Variants in GRID2 observed in about 807,000 individuals in gnomAD.
The protein encoded by GRID2 is glutamate ionotropic receptor delta type subunit 2.
GRID2 carries 33 observed loss-of-function variants against 114.8 expected under a neutral mutation model. The observed-to-expected ratio is 0.29, with a 90% CI of 0.22 to 0.38. GRID2 has a LOEUF of 0.38. Ranked by LOEUF, GRID2 falls within the 10% of genes least tolerant of loss-of-function variation. GRID2 has a pLI of 1.00. For missense variants in GRID2, 1,184 were observed against 1,257.7 expected (o/e 0.94, Z 0.89); for synonymous variants, 505 against 449.9 (o/e 1.12, Z -1.55).
intron 2 of GRID2, among the ~76,000 whole-genome samples, chr4:93,000,403 G>T (rs1283911292): frequency 6.6e-6 from 1 of 151,494 alleles, no homozygotes; most frequent in East Asian, 1.9e-4. Context: ...TGAAGTTTCT[G>T]ATATACCTTT....
chr4:92,392,893 C>T (rs1335814244), intron 1 of GRID2, among the ~76,000 whole-genome samples: 1 of 152,072 alleles, frequency 6.6e-6, no homozygotes, highest in Non-Finnish European at 1.5e-5. Flanking sequence ...CAAACACATT[C>T]ATCGATATTA....
chr4:92,475,655 G>C (rs1258616644), intron 1 of GRID2, among the ~76,000 whole-genome samples: 2 of 151,584 alleles, frequency 1.3e-5, no homozygotes, highest in Non-Finnish European at 2.9e-5. Context: ...GGCTACTTGG[G>C]GTCTTTTATG....
intron 9 of GRID2, among the ~76,000 whole-genome samples, chr4:93,401,926 CT>C (rs34607839): frequency 0.37 from 52,440 of 142,912 alleles, 10,028 homozygotes; most frequent in East Asian, 0.65. Context: ...TTTGGAATTT[CT>C]TTTTTTTTTT....
chr4:92,634,582 T>C (rs920345742), intron 2 of GRID2, among the ~76,000 whole-genome samples: 9 of 152,084 alleles, frequency 5.9e-5, no homozygotes, highest in African/African-American at 2.2e-4. Context: ...TGATTAACAT[T>C]TAACATTCTA....
At chr4:93,652,035 AC>A in intron 14 of GRID2, among the ~76,000 whole-genome samples, 1 of 152,180 alleles carries the variant, frequency 6.6e-6, no homozygotes, top group Non-Finnish European at 1.5e-5. Flanking sequence ...TATTTAAAGA[AC>A]AATTGATGTT....
At chr4:92,515,388 A>G (rs530856960) in intron 1 of GRID2, among the ~76,000 whole-genome samples, 11 of 151,944 alleles carry the variant, frequency 7.2e-5, no homozygotes, top group Non-Finnish European at 1.5e-4. Context: ...AAAAGACAAT[A>G]AATTATTTCC....
chr4:93,731,838 GGGCCTT>G (rs879898741), intron 14 of GRID2, among the ~76,000 whole-genome samples: 1 of 152,098 alleles, frequency 6.6e-6, no homozygotes, highest in Admixed American at 6.5e-5. Context: ...CAGAAAGCCT[GGGCCTT>G]GACAGTCCTC....
chr4:93,384,332 T>C (rs933576297), intron 8 of GRID2, among the ~76,000 whole-genome samples: 30 of 152,118 alleles, frequency 2.0e-4, no homozygotes, highest in Non-Finnish European at 1.5e-5. Context: ...TGCACAGGGA[T>C]AGGAGGAATT....
intron 4 of GRID2, among the ~76,000 whole-genome samples, chr4:93,145,636 CTTTTTTCCTTTTTTTTTTTTTT>C (rs1736145797): frequency 2.5e-5 from 1 of 40,262 alleles, no homozygotes; most frequent in Non-Finnish European, 5.6e-5. Context: ...TTTTGTATTT[CTTTTTTCCTTTTTTTTTTTTTT>C]TTTTTTTTTT....
intron 10 of GRID2, among the ~76,000 whole-genome samples, chr4:93,430,640 A>G (rs1417030948): frequency 1.3e-5 from 2 of 152,240 alleles, no homozygotes; most frequent in East Asian, 3.8e-4. Flanking sequence ...GGCACTGGAG[A>G]TACAAAGATA....
chr4:93,470,892 T>A (rs2149434008), intron 11 of GRID2, among the ~76,000 whole-genome samples: 1 of 141,120 alleles, frequency 7.1e-6, no homozygotes, highest in Non-Finnish European at 1.6e-5. Flanking sequence ...TACATTGTTA[T>A]ATTTTCTTTT....
At chr4:92,944,163 A>G (rs1192806160) in intron 2 of GRID2, among the ~76,000 whole-genome samples, 1 of 152,322 alleles carries the variant, frequency 6.6e-6, no homozygotes, top group African/African-American at 2.4e-5. Flanking sequence ...TTGTATGGCT[A>G]TGCCCTGCCC....
rs149403403 is a variant in GRID2 at position 92,662,134 on chromosome 4, A to G, written c.244+71848A>G. On this transcript the variant is annotated intron_variant, in intron 2 of 15. Transcript: ENST00000282020. ...CCTCACACAGGTTTCCTTTCTGTGT[A>G]TGAAAAAGTAAATCATTATTAAGTA... 6.0e-5 allele frequency among the ~76,000 whole-genome samples: 9 copies of G among 151,146 alleles called. 1 individual carries two copies. The South Asian group carries it at 8.3e-4, about 14-fold the overall frequency.
At chr4:92,339,440 ATTC>A (rs2110159462) in intron 1 of GRID2, among the ~76,000 whole-genome samples, 2 of 152,260 alleles carry the variant, frequency 1.3e-5, no homozygotes, top group South Asian at 4.1e-4. Context: ...TTGTAGTAGT[ATTC>A]TTATATTTAA....
At chr4:93,769,950 G>A (rs750903081) in intron 15 of GRID2, among the ~76,000 whole-genome samples, 7 of 152,090 alleles carry the variant, frequency 4.6e-5, no homozygotes, top group Non-Finnish European at 1.0e-4. Flanking sequence ...GAAGCTCTTC[G>A]ATGGCCCCAA....
At chr4:93,769,739 A>C (rs1277520214) in intron 15 of GRID2, among the ~76,000 whole-genome samples, 1 of 152,192 alleles carries the variant, frequency 6.6e-6, no homozygotes, top group Admixed American at 6.5e-5. Flanking sequence ...ATTTTAATTC[A>C]GTGATTTTTA....
chr4:92,322,645 T>G (rs1219924781), intron 1 of GRID2, among the ~76,000 whole-genome samples: 1 of 152,124 alleles, frequency 6.6e-6, no homozygotes, highest in African/African-American at 2.4e-5. Context: ...AGCACCCTAG[T>G]ATTAGAATAC....
chr4:93,272,096 A>G (rs1361419069), intron 8 of GRID2, among the ~76,000 whole-genome samples: 1 of 152,166 alleles, frequency 6.6e-6, no homozygotes, highest in Non-Finnish European at 1.5e-5. Flanking sequence ...CTCCTTAGGT[A>G]AGAAGTAGCC....
chr4:93,202,909 T>C (rs1429798291), intron 4 of GRID2, among the ~76,000 whole-genome samples: 1 of 152,138 alleles, frequency 6.6e-6, no homozygotes, highest in Non-Finnish European at 1.5e-5. Context: ...TGAAGTGATA[T>C]GCATATAAGT....
Sources: allele counts gnomAD v4.1 joint callset (sites outside exome capture counted in the v4.1 genomes callset), GRCh38; gene constraint gnomAD v4.1.1; transcripts MANE v1.5; gene names NCBI Gene and HGNC (gene_info 2026-07-23, HGNC 2026-07-21).